Variants in GRK1 observed in about 807,000 individuals in gnomAD.
GRK1 encodes the protein rhodopsin kinase GRK1.
In GRK1, 28 loss-of-function variants were observed where a neutral mutation model predicts 41.7. The observed-to-expected ratio is 0.67, with a 90% confidence interval of 0.50 to 0.92. The LOEUF (loss-of-function observed/expected upper bound fraction) is 0.92. GRK1 is among the 40% of genes least tolerant of loss of function. The probability of loss-of-function intolerance (pLI) is 0.00; values close to 1 mark genes in which losing one functional copy is unlikely to be tolerated. For synonymous variants in GRK1, 327 were observed against 286.7 expected (o/e 1.14, Z -1.42); for missense variants, 703 against 671.2 (o/e 1.05, Z -0.52).
the GRK1 span, chr13:113,658,121 C>A: frequency 6.2e-7 from 1 of 1,612,826 alleles, no homozygotes; most frequent in South Asian, 1.1e-5. Flanking sequence ...GGCCACACGT[C>A]TTCTTCTCCT....
At position 113,736,760 on chromosome 13, in the gene GRK1, G is replaced by A. The variant is rs2050007344; in HGVS notation, c.*1397G>A. The A allele has an allele frequency of 6.6e-6, 1 of 152,258 alleles. No individual in the cohort carries two copies. The highest frequency in any genetic ancestry group is 6.5e-5 in the Admixed American group (1 of 15,286). The allele number at this position is 152,258 out of a possible 1,614,324, so 9.4% of individuals were successfully genotyped here. On this transcript the variant is annotated 3_prime_UTR_variant, in exon 7 of 7. Coordinates refer to ENST00000335678, the MANE Select transcript of GRK1 (RefSeq NM_002929.3). ...GAAGAAGCCTGACCCTGCCACATGT[G>A]GTCACGGGGAGAGAAGATGGTAGGA...
the GRK1 span, among the ~76,000 whole-genome samples, chr13:113,655,637 T>C: frequency 6.6e-6 from 1 of 152,186 alleles, no homozygotes; most frequent in South Asian, 2.1e-4. Context: ...TCTTCGTCTC[T>C]GTAAATTAGC....
chr13:113,735,538 G>A lies in GRK1; in HGVS notation c.*175G>A. On this transcript the variant is annotated 3_prime_UTR_variant, in exon 7 of 7. Transcript: ENST00000335678. ...AGGAGGAGAAAGCCCACATCGGCCTGAGCCGCCAGACGCACATGCTGGTGC... is the reference window on the plus strand; with the variant it reads ...AGGAGGAGAAAGCCCACATCGGCCTAAGCCGCCAGACGCACATGCTGGTGC... The A allele has an allele frequency of 1.6e-6, 1 of 632,762 alleles. No homozygotes were observed. The highest frequency in any genetic ancestry group is 2.5e-6 in the Non-Finnish European group (1 of 399,164). 39.2% of individuals were successfully genotyped at this position (632,762 alleles called of 1,614,324 possible). A position where few individuals can be genotyped will look rare whatever the true frequency, so the allele number is the denominator to read the frequency against.
At chr13:113,732,784 G>T in intron 5 of GRK1, 100 bp from the exon 6 acceptor site, 1 of 1,296,500 alleles carries the variant, frequency 7.7e-7, no homozygotes, top group South Asian at 1.3e-5. Context: ...TCCCCCACCC[G>T]CGTGGGTGAG....
the GRK1 span, among the ~76,000 whole-genome samples, chr13:113,656,951 GC>G: frequency 6.6e-6 from 1 of 152,150 alleles, no homozygotes; most frequent in Non-Finnish European, 1.5e-5. Flanking sequence ...GCCCCGCCTG[GC>G]CCAGGAGGCC....
Position 113,735,681 on chromosome 13 carries a change from G to A in GRK1, c.*318G>A. 1 of 250,406 alleles carries A rather than the reference G, an allele frequency of 4.0e-6. No individual in the cohort carries two copies. Among genetic ancestry groups the A allele is most frequent in the Non-Finnish European group, 7.6e-6 (1 of 131,724 alleles). 15.5% of individuals were successfully genotyped at this position (250,406 alleles called of 1,614,324 possible). Reference sequence around the variant, plus strand: ...AAACTCTTAGGGAGCCTCCTGCATTGGTGATTGACCAACCGTGTGGTCAGG... The same window carrying A: ...AAACTCTTAGGGAGCCTCCTGCATTAGTGATTGACCAACCGTGTGGTCAGG... On this transcript the variant is annotated 3_prime_UTR_variant, in exon 7 of 7. Coordinates refer to ENST00000335678, the MANE Select transcript of GRK1 (RefSeq NM_002929.3).
At position 113,671,969 on chromosome 13, in the gene GRK1, G is replaced by A. The variant is rs917697286; in HGVS notation, c.985+313G>A. On this transcript the variant is annotated intron_variant, in intron 3 of 6. Transcript: ENST00000335678. The surrounding 1 kb of genome is among the most constrained non-coding windows in gnomAD (Gnocchi z 4.1). ...AATAAACACGAGGGTTTAGGCTCCC[G>A]ACAGCGGCAGGTCAGGCAAGTGCGA... Among the ~76,000 whole-genome samples the A allele has an allele frequency of 2.1e-3, 314 of 152,116 alleles. No homozygotes were observed. Among genetic ancestry groups the A allele is most frequent in the African/African-American group, 7.2e-3 (297 of 41,464 alleles).
At chr13:113,723,850 G>GCCTGTGTGTGCA (rs763174537) in intron 4 of GRK1, among the ~76,000 whole-genome samples, 1 of 120,796 alleles carries the variant, frequency 8.3e-6, no homozygotes, top group African/African-American at 4.3e-5. Context: ...ACGTGTCTGT[G>GCCTGTGTGTGCA]TGCCTGTGTG....
Position 113,667,333 on chromosome 13 carries a change from G to A in GRK1, c.-54G>A, listed in dbSNP as rs951738119. The A allele has an allele frequency of 1.7e-4, 245 of 1,472,008 alleles. No individual in the cohort carries two copies. Among genetic ancestry groups the A allele is most frequent in the Non-Finnish European group, 2.0e-4 (220 of 1,105,046 alleles). 91.2% of individuals were successfully genotyped at this position (1,472,008 alleles called of 1,614,324 possible). A position where few individuals can be genotyped will look rare whatever the true frequency, so the allele number is the denominator to read the frequency against. ...GCCTGCTCTGTCTGTGAACGCTCCC[G>A]GCTTGGCCTCGGCTGATGGGCCCTC... On this transcript the variant is annotated 5_prime_UTR_variant, in exon 1 of 7. Transcript: ENST00000335678. The surrounding 1 kb of genome is among the most constrained non-coding windows in gnomAD (Gnocchi z 7.5).
chr13:113,649,383 A>T, the GRK1 span: 1 of 1,594,330 alleles, frequency 6.3e-7, no homozygotes, highest in South Asian at 1.1e-5. The surrounding 1 kb of genome is among the most constrained non-coding windows in gnomAD (Gnocchi z 4.7). Context: ...TTCACTTCTC[A>T]ATCTTGAGTT....
At chr13:113,725,295 G>C (rs935116005) in intron 4 of GRK1, among the ~76,000 whole-genome samples, 5 of 150,794 alleles carry the variant, frequency 3.3e-5, no homozygotes, top group Non-Finnish European at 7.4e-5. Flanking sequence ...GGTCATGCGC[G>C]GTCCTAGTTT....
In GRK1 at chr13:113,668,034, T is replaced by G. The variant is rs549095982; in HGVS notation, c.648T>G (p.Tyr216Ter). ...ACQMKATGKL[Y>*]ACKKLNKKRL... ...AGATGAAGGCGACCGGCAAGCTGTA[T>G]GCCTGCAAGAAGCTGAACAAGAAGC... The change falls in exon 1 of 7, where the codon TAT becomes TAG. Residue 216 changes from tyrosine to a stop codon, truncating the protein, a stop_gained. Coordinates refer to ENST00000335678, the MANE Select transcript of GRK1 (RefSeq NM_002929.3). LOFTEE classifies it high-confidence loss of function. 6 of 1,611,614 alleles carry G rather than the reference T, an allele frequency of 3.7e-6. No individual in the cohort carries two copies. In the African/African-American group the frequency reaches 6.7e-5, roughly 18 times the overall value.
chr13:113,725,154 T>C (rs1310482068), intron 4 of GRK1, among the ~76,000 whole-genome samples: 2 of 146,972 alleles, frequency 1.4e-5, no homozygotes, highest in African/African-American at 2.6e-5. Flanking sequence ...TCCGCATCCT[T>C]CTTCCTGGCA....
Position 113,732,983 on chromosome 13 carries a change from G to C in GRK1, c.1294G>C (p.Glu432Gln), listed in dbSNP as rs1042772331. The change falls in exon 6 of 7, where the codon GAG becomes CAG. Residue 432 changes from glutamate to glutamine, a missense_variant. By Grantham distance (29) the Glu-to-Gln change is conservative. Transcript: ENST00000335678. The stretch of plus-strand genomic sequence containing the variant: ...CAAGGACTTCTGCGAGGCGCTGCTG[G>C]AGAAGGACCCGGAGAAGCGCCTGGG... Reference protein sequence around the residue: ...ASKDFCEALLEKDPEKRLGFR... With the variant: ...ASKDFCEALLQKDPEKRLGFR... 6.5e-7 allele frequency: 1 copy of C among 1,536,990 alleles called. No individual in the cohort carries two copies. The highest frequency in any genetic ancestry group is 1.4e-5 in the African/African-American group (1 of 73,054).
At chr13:113,649,777 C>T in the GRK1 span, among the ~76,000 whole-genome samples, 2 of 152,192 alleles carry the variant, frequency 1.3e-5, no homozygotes, top group East Asian at 3.9e-4. The surrounding 1 kb of genome is among the most constrained non-coding windows in gnomAD (Gnocchi z 4.7). Context: ...CAAACTCTTA[C>T]GATGATTAAC....
intron 6 of GRK1, among the ~76,000 whole-genome samples, chr13:113,733,954 GCATA>G (rs1355414577): frequency 6.8e-6 from 1 of 147,376 alleles, no homozygotes; most frequent in South Asian, 2.1e-4. Flanking sequence ...GCGTGTGTGT[GCATA>G]CGTGTGTGTG....
At chr13:113,669,075 C>T (rs1371200041) in intron 1 of GRK1, among the ~76,000 whole-genome samples, 1 of 152,332 alleles carries the variant, frequency 6.6e-6, no homozygotes, top group African/African-American at 2.4e-5. Context: ...GTAAATTTAA[C>T]CCAACATTCA....
the GRK1 span, among the ~76,000 whole-genome samples, chr13:113,661,065 C>G: frequency 6.6e-6 from 1 of 152,102 alleles, no homozygotes; most frequent in Admixed American, 6.5e-5. Flanking sequence ...CTTTAAGTCC[C>G]CATGAAATAT....
At chr13:113,652,876 GT>G in the GRK1 span, 2 of 1,614,106 alleles carry the variant, frequency 1.2e-6, no homozygotes, top group Non-Finnish European at 8.5e-7. Context: ...TACTCACCCT[GT>G]TCATTTTAAT....
Sources: gnomAD v4.1 joint callset for allele counts (sites outside exome capture counted in the v4.1 genomes callset) on GRCh38, gnomAD v4.1.1 for gene constraint, Gnocchi (gnomAD v3.1) non-coding constraint, MANE v1.5 for transcripts, NCBI Gene and HGNC (gene_info 2026-07-23, HGNC 2026-07-21) for gene names.